Variants in WWC1 observed in about 807,000 individuals in gnomAD.
WWC1 encodes WW and C2 domain containing 1, also known as protein KIBRA.
Under a neutral mutation model 138.4 loss-of-function variants are expected in WWC1, and 55 were observed. The ratio of observed to expected loss-of-function variants is 0.40; its 90% CI spans 0.32 to 0.50. The LOEUF (loss-of-function observed/expected upper bound fraction) is 0.50, where lower values mean the gene tolerates loss of function less well. Among genes scored for constraint, WWC1 ranks in the 20% least tolerant of loss-of-function variants. The pLI is 0.72. For synonymous variants in WWC1, 524 were observed against 564.9 expected (o/e 0.93, Z 1.03); for missense variants, 1,226 against 1,420.4 (o/e 0.86, Z 2.20).
intron 15 of WWC1, among the ~76,000 whole-genome samples, chr5:168,431,811 T>C (rs1380937338): frequency 6.6e-6 from 1 of 152,184 alleles, no homozygotes; most frequent in African/African-American, 2.4e-5. Context: ...GGCTTATATC[T>C]GTAATCCCAA....
intron 1 of WWC1, among the ~76,000 whole-genome samples, chr5:168,293,701 A>G (rs1051644522): frequency 6.6e-6 from 1 of 152,182 alleles, no homozygotes; most frequent in Non-Finnish European, 1.5e-5. Context: ...GAATTTAAAA[A>G]GTTTGCTTGG....
Position 168,429,256 on chromosome 5 carries a change from A to ATTTT in WWC1, c.2000+487_2000+490dup, listed in dbSNP as rs67280988. Among the ~76,000 whole-genome samples, 761 of 116,340 alleles carry ATTTT rather than the reference A, an allele frequency of 6.5e-3. 14 individuals carry two copies. Among genetic ancestry groups the ATTTT allele is most frequent in the Middle Eastern group, 0.015 (3 of 200 alleles). The allele number at this position is 116,340 out of a possible 152,430, so 76.3% of individuals were successfully genotyped here. Reference sequence around the variant, plus strand: ...TTTGTTGGGGGATGATATGATCTCAATTTTTTTTTTTTTTTTTTTTTGAGA... The same window carrying ATTTT: ...TTTGTTGGGGGATGATATGATCTCAATTTTTTTTTTTTTTTTTTTTTTTTTGAGA... On this transcript the variant is annotated intron_variant, in intron 13 of 22. Coordinates refer to ENST00000265293, the MANE Select transcript of WWC1 (RefSeq NM_015238.3).
rs1305772623 is a variant in WWC1, at chr5:168,469,321, G to A, written c.*304G>A. On this transcript the variant is annotated 3_prime_UTR_variant, in exon 23 of 23. Transcript: ENST00000265293. The stretch of plus-strand genomic sequence containing the variant: ...AAGAAAATTTAAATGAACTAAAGCA[G>A]TATTGAGTTGCTGCTCTTCTTAAAA... 5.6e-6 allele frequency: 2 copies of A among 356,810 alleles called. No individual in the cohort carries two copies. Among genetic ancestry groups the A allele is most frequent in the Non-Finnish European group, 5.2e-6 (1 of 194,136 alleles). The allele number at this position is 356,810 out of a possible 1,614,324, so 22.1% of individuals were successfully genotyped here.
chr5:168,456,362 G>A (rs546181842), intron 19 of WWC1, among the ~76,000 whole-genome samples: 49 of 152,074 alleles, frequency 3.2e-4, no homozygotes, highest in Non-Finnish European at 6.0e-4. Flanking sequence ...CCTGGGCGCA[G>A]TGGCTCATGC....
intron 6 of WWC1, among the ~76,000 whole-genome samples, chr5:168,406,536 A>G (rs1779806530): frequency 6.6e-6 from 1 of 152,216 alleles, no homozygotes; most frequent in African/African-American, 2.4e-5. Flanking sequence ...AGCTAGTGTA[A>G]ATGGCAGAGT....
At chr5:168,437,316 C>T (rs1307408814) in intron 15 of WWC1, among the ~76,000 whole-genome samples, 6 of 152,282 alleles carry the variant, frequency 3.9e-5, no homozygotes, top group East Asian at 1.9e-4. Context: ...TTTCACTGTA[C>T]GTCATAGATT....
intron 1 of WWC1, among the ~76,000 whole-genome samples, chr5:168,320,824 G>C (rs896051088): frequency 2.6e-5 from 4 of 152,034 alleles, no homozygotes; most frequent in African/African-American, 7.2e-5. Context: ...GTTTCTGTCC[G>C]ATGTCCCTCC....
intron 1 of WWC1, among the ~76,000 whole-genome samples, chr5:168,333,069 C>G (rs1247468509): frequency 2.0e-5 from 3 of 152,226 alleles, no homozygotes; most frequent in Admixed American, 6.5e-5. Flanking sequence ...CCACCTCAGA[C>G]CTCCTGACTT....
rs1249090741 is a variant in WWC1, at chr5:168,468,986, A to C, written c.3311A>C (p.Asn1104Thr). The C allele has an allele frequency of 2.5e-6, 4 of 1,614,252 alleles. No individual in the cohort carries two copies. The highest frequency in any genetic ancestry group is 2.2e-5 in the South Asian group (2 of 91,092). Residue 1104 changes from asparagine to threonine, a missense_variant, in exon 23 of 23, where the codon AAT becomes ACT. Coordinates refer to ENST00000265293, the MANE Select transcript of WWC1 (RefSeq NM_015238.3). ...KMAFFTRPRM[N>T]IPALSADDV Reference sequence around the variant, plus strand: ...GCATTTTTCACCCGGCCTCGGATGAATATCCCAGCTCTCTCTGCAGATGAC... The same window carrying C: ...GCATTTTTCACCCGGCCTCGGATGACTATCCCAGCTCTCTCTGCAGATGAC...
chr5:168,382,141 C>T (rs1777684782), intron 2 of WWC1, among the ~76,000 whole-genome samples: 1 of 152,056 alleles, frequency 6.6e-6, no homozygotes, highest in Non-Finnish European at 1.5e-5. Flanking sequence ...AACCCAAATA[C>T]CATAGCGTGG....
intron 1 of WWC1, among the ~76,000 whole-genome samples, chr5:168,323,963 C>T (rs1478514821): frequency 6.6e-6 from 1 of 152,118 alleles, no homozygotes; most frequent in Non-Finnish European, 1.5e-5. Flanking sequence ...CGATACAAAC[C>T]AAAACATAAC....
chr5:168,308,343 C>G (rs1770766663), intron 1 of WWC1, among the ~76,000 whole-genome samples: 1 of 152,156 alleles, frequency 6.6e-6, no homozygotes, highest in Non-Finnish European at 1.5e-5. Context: ...TCAGAGCATG[C>G]TGGATTGGAA....
In WWC1 at chr5:168,408,621, G is replaced by C. The variant is rs1417524830; in HGVS notation, c.835G>C (p.Asp279His). 3.7e-6 allele frequency: 6 copies of C among 1,614,190 alleles called. No homozygotes were observed. Among genetic ancestry groups the C allele is most frequent in the African/African-American group, 1.3e-5 (1 of 75,062 alleles). ...TTTCCCGCTACCGAAACAGTACCTG[G>C]ATGTGAGCTCCCAGACAGACATCTC... ...SSFPLPKQYLDVSSQTDISGS... is the reference protein window; with the variant it reads ...SSFPLPKQYLHVSSQTDISGS... The change falls in exon 7 of 23, where the codon GAT (aspartate) becomes CAT (histidine). Residue 279 changes from aspartate to histidine, a missense_variant. Asp to His is a moderately conservative substitution (Grantham distance 81, BLOSUM62 -1). Coordinates refer to ENST00000265293, the MANE Select transcript of WWC1 (RefSeq NM_015238.3).
At chr5:168,329,068 T>C (rs1339564338) in intron 1 of WWC1, among the ~76,000 whole-genome samples, 1 of 152,216 alleles carries the variant, frequency 6.6e-6, no homozygotes, top group Non-Finnish European at 1.5e-5. Context: ...GATAAGTTGG[T>C]CTTGCCCCAT....
chr5:168,406,123 T>A (rs981079188), intron 5 of WWC1, 75 bp from the exon 6 acceptor site: 18 of 1,561,742 alleles, frequency 1.2e-5, no homozygotes, highest in Non-Finnish European at 1.6e-5. Flanking sequence ...AGTCCTGTGG[T>A]CTGTGCTTTT....
In WWC1 at chr5:168,426,627, G is replaced by A. The variant is rs9686293; in HGVS notation, c.1811-1406G>A. Among the ~76,000 whole-genome samples, 1,039 of 152,332 alleles carry A rather than the reference G, an allele frequency of 6.8e-3. 8 individuals carry two copies. Among genetic ancestry groups the A allele is most frequent in the African/African-American group, 0.023 (974 of 41,570 alleles). On this transcript the variant is annotated intron_variant, in intron 11 of 22. Transcript: ENST00000265293. ...GTGGTTTAGTGGAGGGTGGAGATGC[G>A]TGGGTCTGAAAGCAGGAGGTCTCCG...
intron 2 of WWC1, among the ~76,000 whole-genome samples, chr5:168,372,613 T>C (rs1255427838): frequency 6.6e-6 from 1 of 152,204 alleles, no homozygotes; most frequent in Non-Finnish European, 1.5e-5. Context: ...CAGATGATCA[T>C]CCCCATGTCA....
chr5:168,326,177 G>T (rs530309514), intron 1 of WWC1, among the ~76,000 whole-genome samples: 3 of 151,564 alleles, frequency 2.0e-5, no homozygotes, highest in South Asian at 4.2e-4. Context: ...GGCGTAAATG[G>T]GGATAGGAAT....
At chr5:168,379,868 T>C (rs1393412839) in intron 2 of WWC1, among the ~76,000 whole-genome samples, 1 of 152,162 alleles carries the variant, frequency 6.6e-6, no homozygotes, top group East Asian at 1.9e-4. Context: ...AAATAGATCA[T>C]AGACCTAAAC....
Sources: gnomAD v4.1 joint callset for allele counts (sites outside exome capture counted in the v4.1 genomes callset) on GRCh38, gnomAD v4.1.1 for gene constraint, MANE v1.5 for transcripts, NCBI Gene and HGNC (gene_info 2026-07-23, HGNC 2026-07-21) for gene names.